The following ZC3H14 variants were observed in gnomAD, a reference collection of about 807,000 sequenced individuals.
The protein encoded by ZC3H14 is zinc finger CCCH domain-containing protein 14.
In ZC3H14, 31 loss-of-function variants were observed where a neutral mutation model predicts 92.4. The ratio of observed to expected loss-of-function variants is 0.34; its 90% CI spans 0.25 to 0.45. The LOEUF (loss-of-function observed/expected upper bound fraction) is 0.45. ZC3H14 is among the 20% of genes least tolerant of loss of function. The probability of loss-of-function intolerance (pLI) is 1.00; values close to 1 mark genes in which losing one functional copy is unlikely to be tolerated. For missense variants in ZC3H14, 781 were observed against 897.3 expected (o/e 0.87, Z 1.66); for synonymous variants, 321 against 300.9 (o/e 1.07, Z -0.69).
Position 88,612,021 on chromosome 14 carries a change from T to G in ZC3H14, c.*270T>G, listed in dbSNP as rs141073246. The G allele has an allele frequency of 2.4e-3, 1,224 of 506,188 alleles. 25 individuals are homozygous for G. The highest frequency in any genetic ancestry group is 0.023 in the South Asian group (984 of 43,080). The allele number at this position is 506,188 out of a possible 1,614,324, so 31.4% of individuals were successfully genotyped here. ...TCTGTTAAAATATTTGGGGCATGTTTGTGCACTGCTGTTGTGAGGATCAGC... is the reference window on the plus strand; with the variant it reads ...TCTGTTAAAATATTTGGGGCATGTTGGTGCACTGCTGTTGTGAGGATCAGC... On this transcript the variant is annotated 3_prime_UTR_variant, in exon 17 of 17. Transcript: ENST00000251038.
intron 2 of ZC3H14, among the ~76,000 whole-genome samples, chr14:88,567,044 C>T (rs564528100): frequency 5.7e-4 from 86 of 151,718 alleles, no homozygotes; most frequent in African/African-American, 1.9e-3. Flanking sequence ...CTTTTAAATC[C>T]TAGACCTCAC....
intron 10 of ZC3H14, among the ~76,000 whole-genome samples, chr14:88,597,178 T>A (rs1257797806): frequency 1.3e-5 from 2 of 152,100 alleles, no homozygotes; most frequent in African/African-American, 4.8e-5. Context: ...GTTAGCCTTA[T>A]CCTCTTGTAC....
rs1385013684 is a variant in ZC3H14 at position 88,574,811 on chromosome 14, G to C, written c.980G>C (p.Ser327Thr). 6.2e-7 allele frequency: 1 copy of C among 1,614,110 alleles called. No individual in the cohort carries two copies. The highest frequency in any genetic ancestry group is 1.3e-5 in the African/African-American group (1 of 74,948). ...EDDDYGSRTG[S>T]ISSSVSVPAK... Reference sequence around the variant, plus strand: ...GATGATTACGGGTCTCGAACAGGAAGCATCTCCAGCAGTGTGTCTGTGCCT... The same window carrying C: ...GATGATTACGGGTCTCGAACAGGAACCATCTCCAGCAGTGTGTCTGTGCCT... The change falls in exon 7 of 17, where the codon AGC (serine) becomes ACC (threonine). Residue 327 changes from serine (S) to threonine (T), a missense_variant. Ser to Thr is a moderately conservative substitution (Grantham distance 58). This residue lies in a region of ZC3H14 where 454 missense variants were observed against 438.5 expected (regional missense o/e 1.04). Coordinates refer to ENST00000251038, the MANE Select transcript of ZC3H14 (RefSeq NM_024824.5).
chr14:88,575,823 TTTC>T lies in ZC3H14; in HGVS notation c.1023-14_1023-12del, dbSNP rs2081089097. On this transcript the variant is annotated splice_polypyrimidine_tract_variant and intron_variant, in intron 7 of 16. Coordinates refer to ENST00000251038, the MANE Select transcript of ZC3H14 (RefSeq NM_024824.5). ...AAATTTAAAGTTTAATAAAAATACCTTTCTTAACTCTTTTAGACCTTCTCTTCC... is the reference window on the plus strand; with the variant it reads ...AAATTTAAAGTTTAATAAAAATACCTTTAACTCTTTTAGACCTTCTCTTCC... 6.2e-7 allele frequency: 1 copy of T among 1,600,536 alleles called. No individual in the cohort carries two copies.
At chr14:88,570,131 C>T (rs114739369) in intron 3 of ZC3H14, among the ~76,000 whole-genome samples, 1,935 of 152,248 alleles carry the variant, frequency 0.013, 39 homozygotes, top group African/African-American at 0.043. Flanking sequence ...CTCATCTGGC[C>T]ATAAATTGAG....
chr14:88,609,403 G>GGTGA lies in ZC3H14; in HGVS notation c.2005+9_2005+12dup. 3 of 1,613,952 alleles carry GGTGA rather than the reference G, an allele frequency of 1.9e-6. No individual in the cohort carries two copies. Among genetic ancestry groups the GGTGA allele is most frequent in the Non-Finnish European group, 2.5e-6 (3 of 1,179,928 alleles). On this transcript the variant is annotated frameshift_variant and splice_region_variant. Coordinates refer to ENST00000251038, the MANE Select transcript of ZC3H14 (RefSeq NM_024824.5). LOFTEE classifies it high-confidence loss of function. Reference sequence around the variant, plus strand: ...AATTCCAGTACTGTCTCCAAAACCAGGTGAGTGAGTGACTGTGCTACTACA... The same window carrying GGTGA: ...AATTCCAGTACTGTCTCCAAAACCAGGTGAGTGAGTGAGTGACTGTGCTACTACA...
At position 88,594,718 on chromosome 14, in the gene ZC3H14, GTCACCTT is replaced by G. The variant is rs747559959; in HGVS notation, c.1280-2014_1280-2008del. 1.9e-6 allele frequency: 3 copies of G among 1,613,910 alleles called. No individual in the cohort carries two copies. In the South Asian group the frequency reaches 3.3e-5, roughly 18 times the overall value. On this transcript the variant is annotated intron_variant, in intron 9 of 16. Coordinates refer to ENST00000251038, the MANE Select transcript of ZC3H14 (RefSeq NM_024824.5). The stretch of plus-strand genomic sequence containing the variant: ...TTATGAAAATGTCTTTGAGGTTCCT[GTCACCTT>G]TATGAGAATGTCTTCAAAGTTTCCA...
chr14:88,591,697 C>T (rs1185830614), intron 9 of ZC3H14: 1 of 152,186 alleles, frequency 6.6e-6, no homozygotes, highest in African/African-American at 2.4e-5. Context: ...TTGGTGTCGT[C>T]TTCTAGGCAT....
chr14:88,583,076 T>C (rs1248719357), intron 9 of ZC3H14, among the ~76,000 whole-genome samples: 1 of 109,272 alleles, frequency 9.2e-6, no homozygotes, highest in Admixed American at 9.1e-5. Flanking sequence ...TCTGGCTTTA[T>C]TGATTTTTTT....
At position 88,618,490 on chromosome 14, in the gene ZC3H14, T is replaced by A. The variant is rs2088152486; in HGVS notation, c.*6739T>A. On this transcript the variant is annotated 3_prime_UTR_variant, in exon 17 of 17. Transcript: ENST00000251038. ...CAAAAACTTAATAGGAGAAAAGCTC[T>A]GATAAGTGGGGGAGGAAAGGGGAGC... 2.7e-6 allele frequency: 3 copies of A among 1,092,384 alleles called. No individual in the cohort carries two copies. The highest frequency in any genetic ancestry group is 3.3e-5 in the South Asian group (2 of 60,940). 67.7% of individuals were successfully genotyped at this position (1,092,384 alleles called of 1,614,324 possible).
intron 10 of ZC3H14, among the ~76,000 whole-genome samples, chr14:88,600,592 C>A (rs540513743): frequency 2.4e-4 from 37 of 152,216 alleles, no homozygotes; most frequent in Non-Finnish European, 4.6e-4. Flanking sequence ...CGGGCATGTG[C>A]TCCCACGCCT....
intron 12 of ZC3H14, among the ~76,000 whole-genome samples, chr14:88,603,836 T>C (rs1466256611): frequency 6.6e-6 from 1 of 152,254 alleles, no homozygotes; most frequent in East Asian, 1.9e-4. Flanking sequence ...GGAAGAGATA[T>C]GAAAATGTAT....
At position 88,572,813 on chromosome 14, in the gene ZC3H14, G is replaced by T; in HGVS notation, c.667G>T (p.Ala223Ser). 6.2e-7 allele frequency: 1 copy of T among 1,614,176 alleles called. No individual in the cohort carries two copies. Among genetic ancestry groups the T allele is most frequent in the Non-Finnish European group, 8.5e-7 (1 of 1,180,038 alleles). ...EIYRPPASRN[A>S]DSGVHLNRLQ... ...TTATCGACCACCTGCAAGTAGAAAT[G>T]CAGATAGTGGTGTTCATTTAAACAG... Residue 223 changes from alanine (A) to serine (S), a missense_variant, in exon 6 of 17, where the codon GCA becomes TCA. This residue lies in a region of ZC3H14 where 454 missense variants were observed against 438.5 expected (regional missense o/e 1.04). Transcript: ENST00000251038.
In ZC3H14 at chr14:88,610,016, G is replaced by T. The variant is rs536556139; in HGVS notation, c.2097+213G>T. 6.6e-5 allele frequency among the ~76,000 whole-genome samples: 10 copies of T among 152,266 alleles called. No individual in the cohort carries two copies. In the South Asian group the frequency reaches 1.2e-3, roughly 19 times the overall value. On this transcript the variant is annotated intron_variant, in intron 15 of 16. Coordinates refer to ENST00000251038, the MANE Select transcript of ZC3H14 (RefSeq NM_024824.5). ...AATGTTAGTATCCCAAGCACTCAGTGGGGGGAAGCATATCTTTGCTAGTCA... is the reference window on the plus strand; with the variant it reads ...AATGTTAGTATCCCAAGCACTCAGTTGGGGGAAGCATATCTTTGCTAGTCA...
Position 88,603,070 on chromosome 14 carries a change from G to A in ZC3H14, c.1747+10G>A, listed in dbSNP as rs2084875651. ...GGTAGCTTTTCTAACGGTGTGTTGA[G>A]AGCTCAGATTTTCAGGGTGCTGTCA... On this transcript the variant is annotated intron_variant, in intron 12 of 16. Transcript: ENST00000251038. 1 of 1,613,334 alleles carries A rather than the reference G, an allele frequency of 6.2e-7. No homozygotes were observed. Among genetic ancestry groups the A allele is most frequent in the Non-Finnish European group, 8.5e-7 (1 of 1,179,316 alleles).
rs929353269 is a variant in ZC3H14 at position 88,621,726 on chromosome 14, CTT to C, written c.*9976_*9977del. Reference sequence around the variant, plus strand: ...AATATCCGTATGATTTATAAATACACTTAATAAGTACAAACACGCTCAAAAAT... The same window carrying C: ...AATATCCGTATGATTTATAAATACACAATAAGTACAAACACGCTCAAAAAT... On this transcript the variant is annotated 3_prime_UTR_variant, in exon 17 of 17. Coordinates refer to ENST00000251038, the MANE Select transcript of ZC3H14 (RefSeq NM_024824.5). 1.3e-5 allele frequency: 4 copies of C among 303,698 alleles called. No homozygotes were observed. The highest frequency in any genetic ancestry group is 8.0e-5 in the Admixed American group (2 of 24,922). The allele number at this position is 303,698 out of a possible 1,614,324, so 18.8% of individuals were successfully genotyped here.
chr14:88,620,198 A>G lies in ZC3H14; in HGVS notation c.*8447A>G, dbSNP rs1486889943. 6.6e-6 allele frequency: 1 copy of G among 152,260 alleles called. No homozygotes were observed. Among genetic ancestry groups the G allele is most frequent in the African/African-American group, 2.4e-5 (1 of 41,468 alleles). 9.4% of individuals were successfully genotyped at this position (152,260 alleles called of 1,614,324 possible). ...GTGTACAAGCTTTTGACAGACCTAG[A>G]TTCAATAATCTTATCTACTGATCAC... On this transcript the variant is annotated 3_prime_UTR_variant, in exon 17 of 17. Coordinates refer to ENST00000251038, the MANE Select transcript of ZC3H14 (RefSeq NM_024824.5). This position sits in a 1 kb window ranked among gnomAD's most constrained non-coding sequence, Gnocchi z 4.3.
intron 10 of ZC3H14, among the ~76,000 whole-genome samples, chr14:88,597,203 T>G (rs2139999057): frequency 6.6e-6 from 1 of 152,252 alleles, no homozygotes; most frequent in Middle Eastern, 3.4e-3. Context: ...TTTTGGAGTC[T>G]TATCACCAGG....
chr14:88,583,141 T>A (rs112988791), intron 9 of ZC3H14, among the ~76,000 whole-genome samples: 2,513 of 151,438 alleles, frequency 0.017, 22 homozygotes, highest in African/African-American at 0.022. Flanking sequence ...TTTTTTATTT[T>A]TTTTTTTTAA....
Sources: gnomAD v4.1 joint callset for allele counts (sites outside exome capture counted in the v4.1 genomes callset) on GRCh38, gnomAD v4.1.1 for gene constraint, gnomAD v4.1.1 regional missense constraint, Gnocchi (gnomAD v3.1) non-coding constraint, MANE v1.5 for transcripts, NCBI Gene and HGNC (gene_info 2026-07-23, HGNC 2026-07-21) for gene names.